Variants in PRCP observed in about 807,000 individuals in gnomAD.
The protein encoded by PRCP is prolylcarboxypeptidase.
A neutral mutation model predicts 54.2 loss-of-function variants in PRCP; 46 were observed. The observed-to-expected ratio is 0.85, with a 90% CI of 0.67 to 1.09. The LOEUF (loss-of-function observed/expected upper bound fraction) is 1.09. Ranked by LOEUF, PRCP falls within the 50% of genes least tolerant of loss-of-function variation. PRCP has a pLI of 0.00. For missense variants in PRCP, 613 were observed against 596.8 expected (o/e 1.03, Z -0.28); for synonymous variants, 240 against 212.2 (o/e 1.13, Z -1.14).
chr11:82,885,896 A>G (rs1449005282), intron 1 of PRCP, among the ~76,000 whole-genome samples: 2 of 152,228 alleles, frequency 1.3e-5, no homozygotes, highest in Non-Finnish European at 2.9e-5. Flanking sequence ...AAAGTTCTAT[A>G]GTAGTGACTT....
intron 8 of PRCP, among the ~76,000 whole-genome samples, chr11:82,832,548 G>T (rs1369617325): frequency 1.3e-5 from 2 of 152,116 alleles, no homozygotes; most frequent in South Asian, 2.1e-4. Context: ...TTCTGATGGG[G>T]TTATTTGTTT....
rs192228144 is a variant in PRCP at position 82,894,370 on chromosome 11, G to C, written c.168+5865C>G. ...CTGTGTCTTATTCAAAGTCAAGATAGTAAAGTTGTTTAGGTCCAATTCATC... is the reference window on the plus strand; with the variant it reads ...CTGTGTCTTATTCAAAGTCAAGATACTAAAGTTGTTTAGGTCCAATTCATC... On this transcript the variant is annotated intron_variant, in intron 1 of 8. Transcript: ENST00000313010. Among the ~76,000 whole-genome samples the C allele has an allele frequency of 4.7e-4, 71 of 152,302 alleles. 1 individual carries two copies. The highest frequency in any genetic ancestry group is 1.6e-3 in the African/African-American group (65 of 41,562).
chr11:82,871,177 C>CT (rs146234682), intron 1 of PRCP, among the ~76,000 whole-genome samples: 27,124 of 117,370 alleles, frequency 0.23, 3,743 homozygotes, highest in Non-Finnish European at 0.29. Flanking sequence ...AAATGTTTCT[C>CT]TTTTTTTTTT....
intron 6 of PRCP, chr11:82,839,756 C>T: frequency 7.5e-6 from 2 of 267,122 alleles, no homozygotes; most frequent in Non-Finnish European, 1.4e-5. Context: ...TTTGCCCTTT[C>T]TCACCCTGAA....
intron 1 of PRCP, 76 bp downstream of exon 1, chr11:82,900,159 C>T: frequency 1.3e-6 from 2 of 1,538,950 alleles, no homozygotes; most frequent in Non-Finnish European, 1.8e-6. Context: ...TCGAGGTAGG[C>T]TCCGTTGCCC....
At chr11:82,834,266 A>G (rs772706231) in intron 8 of PRCP, among the ~76,000 whole-genome samples, 3 of 152,248 alleles carry the variant, frequency 2.0e-5, no homozygotes, top group African/African-American at 7.2e-5. Flanking sequence ...TAGCAGTGCT[A>G]GTGGACTAAG....
chr11:82,900,769 C>T (rs1174795890), upstream of PRCP: 2 of 482,098 alleles, frequency 4.1e-6, no homozygotes, highest in South Asian at 3.1e-5. Flanking sequence ...TTCAGGTCAC[C>T]CAATATCCCT....
intron 1 of PRCP, among the ~76,000 whole-genome samples, chr11:82,898,429 TTC>T (rs1160273538): frequency 6.6e-5 from 10 of 152,226 alleles, no homozygotes; most frequent in African/African-American, 2.4e-4. Flanking sequence ...CTGCTGATAG[TTC>T]TCTTTTTCAT....
chr11:82,862,281 C>G (rs1859224524), intron 1 of PRCP, among the ~76,000 whole-genome samples: 1 of 152,064 alleles, frequency 6.6e-6, no homozygotes, highest in Non-Finnish European at 1.5e-5. Flanking sequence ...GATTTTTTAA[C>G]TTACTATTTA....
intron 8 of PRCP, among the ~76,000 whole-genome samples, chr11:82,833,937 GC>G (rs1000303364): frequency 6.6e-6 from 1 of 151,962 alleles, no homozygotes; most frequent in African/African-American, 2.4e-5. Context: ...CACAAAATAT[GC>G]CCCCTTCTCC....
rs977543069 is a variant in PRCP at position 82,882,706 on chromosome 11, G to A, written c.168+17529C>T. 9.5e-5 allele frequency among the ~76,000 whole-genome samples: 14 copies of A among 147,632 alleles called. 1 individual carries two copies. Among genetic ancestry groups the A allele is most frequent in the Non-Finnish European group, 1.5e-4 (10 of 67,852 alleles). ...GAGACGGGGTTTCACCGTTTTAGCC[G>A]GGATGGTCTCGATCTCCTGACCTCG... On this transcript the variant is annotated intron_variant, in intron 1 of 8. Coordinates refer to ENST00000313010, the MANE Select transcript of PRCP (RefSeq NM_005040.4).
At chr11:82,832,436 G>C (rs1858410755) in intron 8 of PRCP, among the ~76,000 whole-genome samples, 1 of 152,170 alleles carries the variant, frequency 6.6e-6, no homozygotes, top group Non-Finnish European at 1.5e-5. Flanking sequence ...GTTTTGAGTT[G>C]CATTTCTCTA....
At chr11:82,839,553 T>C (rs1035889084) in intron 6 of PRCP, 128 bp from the exon 7 acceptor site, 2 of 1,001,476 alleles carry the variant, frequency 2.0e-6, no homozygotes, top group Non-Finnish European at 2.9e-6. Context: ...AACTGCAGTG[T>C]TTAATTTCTC....
At chr11:82,875,800 G>A (rs1001419697) in intron 1 of PRCP, among the ~76,000 whole-genome samples, 5 of 152,230 alleles carry the variant, frequency 3.3e-5, no homozygotes, top group South Asian at 4.2e-4. Context: ...AGGCCGTAGC[G>A]AAGGCAAACT....
Position 82,839,408 on chromosome 11 carries a change from C to A in PRCP, c.939G>T (p.Leu313Phe). 2 of 1,611,824 alleles carry A rather than the reference C, an allele frequency of 1.2e-6. No individual in the cohort carries two copies. The highest frequency in any genetic ancestry group is 1.7e-6 in the Non-Finnish European group (2 of 1,178,638). ...GTGAATCAGATACATTGGGATTTTT[C>A]AAATACTGGCACACTACCTGTCATT... ...AWPIKVVCQY[L>F]KNPNVSDSLL... is the part of the protein sequence containing the mutation. The change falls in exon 7 of 9, where the codon TTG becomes TTT. Residue 313 changes from leucine to phenylalanine, a missense_variant. Physicochemically the swap from Leu to Phe is conservative, Grantham distance 22 (BLOSUM62 0). Transcript: ENST00000313010.
chr11:82,832,005 G>A (rs560721726), intron 8 of PRCP, among the ~76,000 whole-genome samples: 17 of 152,222 alleles, frequency 1.1e-4, no homozygotes, highest in African/African-American at 3.9e-4. Flanking sequence ...TGCTGAGAAT[G>A]ATGGTTTCCA....
intron 1 of PRCP, among the ~76,000 whole-genome samples, chr11:82,898,615 C>A (rs567151063): frequency 2.0e-5 from 3 of 152,330 alleles, no homozygotes; most frequent in African/African-American, 7.2e-5. Flanking sequence ...TCCACTTCAG[C>A]CTTCATCCAC....
chr11:82,823,110 T>C lies in PRCP; in HGVS notation c.*1796A>G, dbSNP rs975572141. Among the ~76,000 whole-genome samples the C allele has an allele frequency of 6.6e-6, 1 of 152,202 alleles. No individual in the cohort carries two copies. The highest frequency in any genetic ancestry group is 1.5e-5 in the Non-Finnish European group (1 of 68,026). On this transcript the variant is annotated 3_prime_UTR_variant, in exon 9 of 9. Coordinates refer to ENST00000313010, the MANE Select transcript of PRCP (RefSeq NM_005040.4). ...TCCTAAAATGCATACAGTAATAGGA[T>C]ACAATTATGCTTGCCAAAAAATTCT...
chr11:82,842,157 G>C (rs1360645600), intron 6 of PRCP, among the ~76,000 whole-genome samples: 1 of 152,166 alleles, frequency 6.6e-6, no homozygotes, highest in African/African-American at 2.4e-5. Flanking sequence ...GCCCCTCTTA[G>C]AGCTTAGAAC....
Sources: allele counts gnomAD v4.1 joint callset (sites outside exome capture counted in the v4.1 genomes callset), GRCh38; gene constraint gnomAD v4.1.1; transcripts MANE v1.5; gene names NCBI Gene and HGNC (gene_info 2026-07-23, HGNC 2026-07-21).